The following COL27A1 variants were observed in gnomAD, a reference collection of about 807,000 sequenced individuals.
COL27A1 encodes collagen type XXVII alpha 1 chain.
A neutral mutation model predicts 251.3 loss-of-function variants in COL27A1; 106 were observed. That is an observed-to-expected ratio of 0.42 (90% CI 0.36 to 0.50). COL27A1 has a LOEUF of 0.50. Ranked by LOEUF, COL27A1 falls within the 20% of genes least tolerant of loss-of-function variation. The pLI, the probability that COL27A1 is intolerant of heterozygous loss-of-function variation, is 0.00. For missense variants in COL27A1, 2,325 were observed against 2,522.8 expected (o/e 0.92, Z 1.68); for synonymous variants, 1,000 against 986.3 (o/e 1.01, Z -0.26).
intron 5 of COL27A1, among the ~76,000 whole-genome samples, chr9:114,193,295 A>G (rs900923822): frequency 5.3e-5 from 8 of 152,156 alleles, no homozygotes; most frequent in African/African-American, 1.9e-4. Flanking sequence ...GAGGAGCCGC[A>G]GCCAGGAGCA....
In COL27A1 at chr9:114,197,791, G is replaced by C. The variant is rs753498982; in HGVS notation, c.2124+1779G>C. Among the ~76,000 whole-genome samples, 36 of 152,262 alleles carry C rather than the reference G, an allele frequency of 2.4e-4. 1 individual carries two copies. Among genetic ancestry groups the C allele is most frequent in the Non-Finnish European group, 1.3e-4 (9 of 68,050 alleles). On this transcript the variant is annotated intron_variant, in intron 7 of 60. Coordinates refer to ENST00000356083, the MANE Select transcript of COL27A1 (RefSeq NM_032888.4). ...TATTTGGCAAAGCCAATTGCTCTGA[G>C]CTCCCCTCTGGCCCTGGCCTAGACA...
intron 4 of COL27A1, among the ~76,000 whole-genome samples, chr9:114,182,208 A>AT (rs1554792818): frequency 7.0e-6 from 1 of 142,636 alleles, no homozygotes; most frequent in East Asian, 2.1e-4. Context: ...AAAAATAATA[A>AT]AATAAAAATA....
chr9:114,269,873 G>A (rs913768103), intron 35 of COL27A1, among the ~76,000 whole-genome samples: 21 of 152,110 alleles, frequency 1.4e-4, no homozygotes, highest in African/African-American at 4.6e-4. Flanking sequence ...TGCACCTGAC[G>A]GCCCCTGAGG....
chr9:114,212,790 G>A (rs1044965603), intron 12 of COL27A1, among the ~76,000 whole-genome samples: 5 of 152,192 alleles, frequency 3.3e-5, no homozygotes, highest in Non-Finnish European at 7.3e-5. Context: ...AAATAGAGCC[G>A]CCCGGAATAA....
At chr9:114,238,263 G>A (rs1832528644) in intron 19 of COL27A1, among the ~76,000 whole-genome samples, 1 of 152,228 alleles carries the variant, frequency 6.6e-6, no homozygotes, top group African/African-American at 2.4e-5. Flanking sequence ...GTGATCATTG[G>A]CATAGGTAGG....
intron 51 of COL27A1, 119 bp from the exon 52 acceptor site, chr9:114,300,953 C>G (rs1430641067): frequency 9.8e-7 from 1 of 1,022,438 alleles, no homozygotes; most frequent in East Asian, 2.4e-5. Context: ...GGCCTGGGCC[C>G]GCTTCAGATG....
chr9:114,305,210 C>T (rs1263159211), intron 57 of COL27A1, among the ~76,000 whole-genome samples: 1 of 152,206 alleles, frequency 6.6e-6, no homozygotes, highest in African/African-American at 2.4e-5. Context: ...GCCCCCAGCT[C>T]AAACCTCCTA....
At chr9:114,207,144 G>T (rs1422214384) in intron 10 of COL27A1, among the ~76,000 whole-genome samples, 3 of 152,208 alleles carry the variant, frequency 2.0e-5, no homozygotes, top group Admixed American at 6.5e-5. Flanking sequence ...GCTCAGGAAG[G>T]GGGTCACACA....
chr9:114,155,988 C>T lies in COL27A1; in HGVS notation c.38C>T (p.Ala13Val). 2 of 1,219,592 alleles carry T rather than the reference C, an allele frequency of 1.6e-6. No individual in the cohort carries two copies. Among genetic ancestry groups the T allele is most frequent in the Admixed American group, 3.3e-5 (1 of 30,244 alleles). The allele number at this position is 1,219,592 out of a possible 1,614,324, so 75.5% of individuals were successfully genotyped here. A position where few individuals can be genotyped will look rare whatever the true frequency, so the allele number is the denominator to read the frequency against. The change falls in exon 1 of 61, where the codon GCG becomes GTG. Residue 13 changes from alanine to valine, a missense_variant. By Grantham distance (64) the Ala-to-Val change is moderately conservative. Around this residue, in one of 4 missense-constraint regions of COL27A1, gnomAD observed 1,183 missense variants for 1,144.1 expected, o/e 1.03. Coordinates refer to ENST00000356083, the MANE Select transcript of COL27A1 (RefSeq NM_032888.4). This position sits in a 1 kb window ranked among gnomAD's most constrained non-coding sequence, Gnocchi z 5.5. ...AGSARGARGTAAAAAARGGGF... is the reference protein window; with the variant it reads ...AGSARGARGTVAAAAARGGGF... ...TCGGCGCGGGGGGCCCGAGGCACAGCGGCGGCGGCGGCGGCGCGCGGGGGG... is the reference window on the plus strand; with the variant it reads ...TCGGCGCGGGGGGCCCGAGGCACAGTGGCGGCGGCGGCGGCGCGCGGGGGG...
chr9:114,199,820 C>T (rs562995801), intron 7 of COL27A1, among the ~76,000 whole-genome samples: 8 of 152,326 alleles, frequency 5.3e-5, no homozygotes, highest in East Asian at 1.9e-4. Flanking sequence ...TCAACTCCCT[C>T]GCTCCTCACC....
At chr9:114,310,497 T>G in intron 60 of COL27A1, 52 bp from the exon 61 acceptor site, 1 of 1,601,550 alleles carries the variant, frequency 6.2e-7, no homozygotes, top group Non-Finnish European at 8.6e-7. Flanking sequence ...GCTCATGATG[T>G]ATGATAAGAA....
Position 114,290,274 on chromosome 9 carries a change from C to T in COL27A1, c.4311C>T (p.Leu1437=), listed in dbSNP as rs769625189. 3.8e-6 allele frequency: 6 copies of T among 1,580,102 alleles called. No homozygotes were observed. The highest frequency in any genetic ancestry group is 4.6e-5 in the East Asian group (2 of 43,720). ...GPRGVVGRQG[L]EGIAGPDGLP... ...GGGGCGTGGTGGGGAGACAGGGCCT[C>T]GAGGGCATCGCTGGACCAGATGGGC... Residue 1437 remains leucine, a synonymous_variant, in exon 47 of 61, where the codon CTC becomes CTT. Coordinates refer to ENST00000356083, the MANE Select transcript of COL27A1 (RefSeq NM_032888.4). This position sits in a 1 kb window ranked among gnomAD's most constrained non-coding sequence, Gnocchi z 4.6.
At chr9:114,171,560 C>G (rs1475967126) in intron 3 of COL27A1, among the ~76,000 whole-genome samples, 6 of 152,050 alleles carry the variant, frequency 3.9e-5, no homozygotes, top group South Asian at 2.1e-4. Context: ...ATCTCCCAGG[C>G]TCAATTCATC....
intron 3 of COL27A1, among the ~76,000 whole-genome samples, chr9:114,172,064 G>C (rs1849361642): frequency 6.6e-6 from 1 of 152,168 alleles, no homozygotes; most frequent in Non-Finnish European, 1.5e-5. Flanking sequence ...CAACCTGCCC[G>C]GGTGACATCC....
At position 114,231,835 on chromosome 9, in the gene COL27A1, G is replaced by T; in HGVS notation, c.2534G>T (p.Ser845Ile). The change falls in exon 16 of 61, where the codon AGC (serine) becomes ATC (isoleucine). Residue 845 changes from serine (S) to isoleucine (I), a missense_variant. Ser to Ile is a moderately radical substitution (Grantham distance 142, BLOSUM62 -2). Transcript: ENST00000356083. ...TTTGTCTTGCAGGGACTGATGGGCA[G>T]CGTGGGGGAGCCCGGACTGAAAGGT... is the stretch of plus-strand genomic sequence containing the variant. ...GPKGMKGLMG[S>I]VGEPGLKGDK... 6 of 1,614,218 alleles carry T rather than the reference G, an allele frequency of 3.7e-6. No homozygotes were observed. Among genetic ancestry groups the T allele is most frequent in the Non-Finnish European group, 5.1e-6 (6 of 1,180,032 alleles).
At chr9:114,289,794 A>G (rs758475422) in intron 45 of COL27A1, among the ~76,000 whole-genome samples, 10 of 151,736 alleles carry the variant, frequency 6.6e-5, no homozygotes, top group African/African-American at 1.2e-4. Context: ...TAAAAGATCC[A>G]GTGGAACTGT....
intron 1 of COL27A1, among the ~76,000 whole-genome samples, chr9:114,161,980 C>T (rs1588548215): frequency 2.6e-5 from 4 of 152,294 alleles, no homozygotes; most frequent in Admixed American, 2.6e-4. Context: ...GAATATCAGC[C>T]CATGTTGCAG....
chr9:114,213,903 G>A (rs1246401721), intron 12 of COL27A1, among the ~76,000 whole-genome samples: 1 of 152,194 alleles, frequency 6.6e-6, no homozygotes, highest in Non-Finnish European at 1.5e-5. Context: ...TGACAGGCGT[G>A]TTGTTCCCTG....
At chr9:114,187,225 T>C (rs1828416935) in intron 5 of COL27A1, among the ~76,000 whole-genome samples, 2 of 152,144 alleles carry the variant, frequency 1.3e-5, no homozygotes, top group Non-Finnish European at 2.9e-5. Flanking sequence ...AGATGGAGTA[T>C]GCAGGGGGCT....
Sources: allele counts gnomAD v4.1 joint callset (sites outside exome capture counted in the v4.1 genomes callset), GRCh38; gene constraint gnomAD v4.1.1; regional missense constraint gnomAD v4.1.1; non-coding constraint Gnocchi (gnomAD v3.1); transcripts MANE v1.5; gene names NCBI Gene and HGNC (gene_info 2026-07-23, HGNC 2026-07-21).